Variants in ATRN observed in about 807,000 individuals in gnomAD.
ATRN encodes the protein attractin-2.
Under a neutral mutation model 178.7 loss-of-function variants are expected in ATRN, and 54 were observed. The ratio of observed to expected loss-of-function variants is 0.30; its 90% CI spans 0.24 to 0.38. ATRN has a LOEUF of 0.38. ATRN is among the 10% of genes least tolerant of loss of function. The pLI, the probability that ATRN is intolerant of heterozygous loss-of-function variation, is 1.00. For synonymous variants in ATRN, 636 were observed against 663.0 expected (o/e 0.96, Z 0.63); for missense variants, 1,443 against 1,815.1 (o/e 0.79, Z 3.73).
In ATRN at chr20:3,559,586, G is replaced by A. The variant is rs571508763; in HGVS notation, c.1203+103G>A. 5.4e-6 allele frequency: 5 copies of A among 925,660 alleles called. No homozygotes were observed. In the South Asian group the frequency reaches 8.0e-5, roughly 15 times the overall value. 57.3% of individuals were successfully genotyped at this position (925,660 alleles called of 1,614,324 possible). A position where few individuals can be genotyped will look rare whatever the true frequency, so the allele number is the denominator to read the frequency against. ...TACCTCAGTGTTGGTTTTTAATTGGGGAAAACTTTTTATTGGGGGCATTAT... is the reference window on the plus strand; with the variant it reads ...TACCTCAGTGTTGGTTTTTAATTGGAGAAAACTTTTTATTGGGGGCATTAT... On this transcript the variant is annotated intron_variant, in intron 7 of 28. Coordinates refer to ENST00000262919, the MANE Select transcript of ATRN (RefSeq NM_139321.3).
intron 1 of ATRN, among the ~76,000 whole-genome samples, chr20:3,523,522 A>G (rs933248763): frequency 6.6e-6 from 1 of 152,186 alleles, no homozygotes; most frequent in Non-Finnish European, 1.5e-5. Flanking sequence ...AACTTCCCCA[A>G]CCTAGCAAGA....
chr20:3,475,737 A>G (rs2084518748), intron 1 of ATRN, among the ~76,000 whole-genome samples: 1 of 152,242 alleles, frequency 6.6e-6, no homozygotes, highest in Non-Finnish European at 1.5e-5. Flanking sequence ...AGAATTGAAT[A>G]GAATAATCTG....
intron 1 of ATRN, chr20:3,489,795 T>C (rs1421955807): frequency 6.2e-6 from 8 of 1,281,368 alleles, no homozygotes; most frequent in Non-Finnish European, 8.0e-6. Context: ...TTGGTAGGTG[T>C]AGTTTCCACA....
chr20:3,565,388 C>CCT lies in ATRN; in HGVS notation c.1828_1829insTC (p.His610LeufsTer50). On this transcript the variant is annotated frameshift_variant, in exon 11 of 29. Transcript: ENST00000262919. LOFTEE classifies it high-confidence loss of function. ...CAGTGCTTCCCAGACCTGATCTCCA[C>CCT]CATGATGTCAACAGATTTGGCCATT... 1 of 1,614,112 alleles carries CCT rather than the reference C, an allele frequency of 6.2e-7. No individual in the cohort carries two copies. Among genetic ancestry groups the CCT allele is most frequent in the Non-Finnish European group, 8.5e-7 (1 of 1,179,994 alleles).
intron 1 of ATRN, among the ~76,000 whole-genome samples, chr20:3,474,190 G>A (rs2084478192): frequency 6.6e-6 from 1 of 152,168 alleles, no homozygotes; most frequent in African/African-American, 2.4e-5. Flanking sequence ...CAGGGAACAG[G>A]CAGTCCTGAC....
intron 6 of ATRN, among the ~76,000 whole-genome samples, chr20:3,556,476 A>G (rs6107310): frequency 0.035 from 5,344 of 152,228 alleles, 316 homozygotes; most frequent in African/African-American, 0.12. Context: ...AGGTGGCCCG[A>G]TTGGGTTACC....
At chr20:3,496,752 A>G (rs1388334291) in intron 1 of ATRN, among the ~76,000 whole-genome samples, 1 of 152,050 alleles carries the variant, frequency 6.6e-6, no homozygotes, top group African/African-American at 2.4e-5. Flanking sequence ...TCTAATGTTG[A>G]CAGTGGGGTG....
chr20:3,584,203 G>C, intron 17 of ATRN, 120 bp downstream of exon 17: 1 of 1,098,362 alleles, frequency 9.1e-7, no homozygotes, highest in Non-Finnish European at 1.3e-6. Flanking sequence ...CATGACCTCT[G>C]CTCAAACCTG....
In ATRN at chr20:3,471,345, G is replaced by T; in HGVS notation, c.238G>T (p.Glu80Ter). 6.7e-7 allele frequency: 1 copy of T among 1,485,188 alleles called. No homozygotes were observed. Among genetic ancestry groups the T allele is most frequent in the Non-Finnish European group, 8.9e-7 (1 of 1,127,362 alleles). 92.0% of individuals were successfully genotyped at this position (1,485,188 alleles called of 1,614,324 possible). ...PPLLLLLLPC[E>*]AEAAAAAAAV... ...GCTGCTGCTGCTGCTGCTGCCCTGT[G>T]AGGCCGAGGCCGCGGCGGCGGCGGC... is the stretch of plus-strand genomic sequence containing the variant. The change falls in exon 1 of 29, where the codon GAG becomes TAG. Residue 80 changes from glutamate to a stop codon, truncating the protein, a stop_gained. Transcript: ENST00000262919. LOFTEE classifies it high-confidence loss of function.
At chr20:3,599,756 T>C (rs1296701229) in intron 22 of ATRN, among the ~76,000 whole-genome samples, 1 of 152,222 alleles carries the variant, frequency 6.6e-6, no homozygotes, top group Non-Finnish European at 1.5e-5. Context: ...GACCCACGTA[T>C]ACCAAAGGAT....
chr20:3,481,335 T>A (rs1439622084), intron 1 of ATRN, among the ~76,000 whole-genome samples: 1 of 152,214 alleles, frequency 6.6e-6, no homozygotes, highest in Non-Finnish European at 1.5e-5. Flanking sequence ...CTTTTTCTGC[T>A]AGTGGATTGA....
At chr20:3,534,161 A>T (rs1388656447) in intron 1 of ATRN, among the ~76,000 whole-genome samples, 1 of 152,216 alleles carries the variant, frequency 6.6e-6, no homozygotes, top group African/African-American at 2.4e-5. Context: ...GTGATGGATT[A>T]TGGAGTCTTA....
chr20:3,587,428 A>C (rs1480245152), intron 18 of ATRN, among the ~76,000 whole-genome samples: 1 of 151,818 alleles, frequency 6.6e-6, no homozygotes, highest in Non-Finnish European at 1.5e-5. Context: ...GTAGGGGTCC[A>C]AACTCTCTTC....
intron 23 of ATRN, 46 bp from the exon 24 acceptor site, chr20:3,604,059 G>GC (rs762178052): frequency 1.3e-6 from 2 of 1,512,780 alleles, no homozygotes; most frequent in Non-Finnish European, 1.8e-6. Flanking sequence ...TCTCCCCCTA[G>GC]CCCCCCAAAA....
chr20:3,634,978 CATCA>C (rs1309676684), intron 26 of ATRN, among the ~76,000 whole-genome samples: 3 of 151,968 alleles, frequency 2.0e-5, no homozygotes, highest in Non-Finnish European at 4.4e-5. Context: ...ATCAAATGCC[CATCA>C]ATCAATGAGT....
intron 6 of ATRN, among the ~76,000 whole-genome samples, chr20:3,554,936 C>T (rs1245452326): frequency 1.3e-5 from 2 of 150,580 alleles, no homozygotes; most frequent in Non-Finnish European, 2.9e-5. Flanking sequence ...GTAGCATCAC[C>T]GAATCCAATA....
intron 25 of ATRN, chr20:3,629,239 A>G (rs2086971052): frequency 1.1e-5 from 11 of 985,352 alleles, no homozygotes; most frequent in Non-Finnish European, 1.3e-5. Flanking sequence ...TTTAAAGATC[A>G]TGTATCTAGC....
At chr20:3,600,578 A>T (rs992887691) in intron 22 of ATRN, among the ~76,000 whole-genome samples, 1 of 152,102 alleles carries the variant, frequency 6.6e-6, no homozygotes, top group African/African-American at 2.4e-5. Context: ...GTAGGAGTGA[A>T]CTTCAGACAT....
chr20:3,492,855 G>GGCA (rs1491264222), intron 1 of ATRN, among the ~76,000 whole-genome samples: 1 of 83,506 alleles, frequency 1.2e-5, no homozygotes, highest in Non-Finnish European at 2.1e-5. Flanking sequence ...AGAGAGAGAG[G>GGCA]CGCGCGCGCG....
Sources: gnomAD v4.1 joint callset for allele counts (sites outside exome capture counted in the v4.1 genomes callset) on GRCh38, gnomAD v4.1.1 for gene constraint, MANE v1.5 for transcripts, NCBI Gene and HGNC (gene_info 2026-07-23, HGNC 2026-07-21) for gene names.